The following LINGO2 variants were observed in gnomAD, a reference collection of about 807,000 sequenced individuals.
LINGO2 encodes leucine-rich repeat and immunoglobulin-like domain-containing nogo receptor-interacting protein 2.
In LINGO2, 14 loss-of-function variants were observed where a neutral mutation model predicts 30.6. That is an observed-to-expected ratio of 0.46 (90% CI 0.30 to 0.72). The LOEUF (loss-of-function observed/expected upper bound fraction) is 0.72, where lower values mean the gene tolerates loss of function less well. Ranked by LOEUF, LINGO2 falls within the 30% of genes least tolerant of loss-of-function variation. The pLI, the probability that LINGO2 is intolerant of heterozygous loss-of-function variation, is 0.07. For missense variants in LINGO2, 729 were observed against 751.7 expected, an observed-to-expected ratio of 0.97 and a Z score of 0.35; for synonymous variants, 317 against 288.5, an observed-to-expected ratio of 1.10 and a Z score of -1.00.
chr9:28,960,055 A>T, the LINGO2 span, among the ~76,000 whole-genome samples: 3 of 152,184 alleles, frequency 2.0e-5, no homozygotes, highest in Non-Finnish European at 4.4e-5. Context: ...CACACTATTC[A>T]GACTCAAAAG....
At chr9:28,369,206 T>G (rs2134557177) in intron 3 of LINGO2, among the ~76,000 whole-genome samples, 1 of 152,308 alleles carries the variant, frequency 6.6e-6, no homozygotes, top group South Asian at 2.1e-4. Context: ...TTGCTTCAGT[T>G]TCAACCTTCT....
intron 4 of LINGO2, among the ~76,000 whole-genome samples, chr9:28,106,009 C>G (rs954137111): frequency 2.0e-5 from 3 of 152,088 alleles, no homozygotes; most frequent in Non-Finnish European, 4.4e-5. Context: ...AGAGCTCTGC[C>G]TCCTGTCAGA....
At chr9:28,019,460 G>A (rs1823007451) in intron 4 of LINGO2, among the ~76,000 whole-genome samples, 1 of 151,726 alleles carries the variant, frequency 6.6e-6, no homozygotes, top group African/African-American at 2.4e-5. Context: ...GTGACTCTGG[G>A]GGAATACTAA....
intron 4 of LINGO2, among the ~76,000 whole-genome samples, chr9:28,122,405 C>T (rs1827122023): frequency 6.6e-6 from 1 of 152,088 alleles, no homozygotes; most frequent in South Asian, 2.1e-4. Context: ...CACTACATTC[C>T]AAATAAATGA....
chr9:28,514,503 G>C (rs1587788953), intron 1 of LINGO2, among the ~76,000 whole-genome samples: 1 of 152,150 alleles, frequency 6.6e-6, no homozygotes, highest in African/African-American at 2.4e-5. Flanking sequence ...TATAGAGAAA[G>C]TTTTAGTCAT....
intron 5 of LINGO2, among the ~76,000 whole-genome samples, chr9:27,981,831 A>G (rs1050257178): frequency 6.9e-4 from 104 of 151,766 alleles, no homozygotes; most frequent in Non-Finnish European, 1.2e-3. Flanking sequence ...AGTAGTTTGA[A>G]GTTTTCTACT....
intron 4 of LINGO2, among the ~76,000 whole-genome samples, chr9:28,123,011 T>A (rs1421904377): frequency 6.6e-6 from 1 of 152,240 alleles, no homozygotes; most frequent in Non-Finnish European, 1.5e-5. Context: ...TATTTGTTGG[T>A]TTTCTATCTT....
At chr9:28,340,641 T>G (rs1320030736) in intron 3 of LINGO2, among the ~76,000 whole-genome samples, 1 of 152,134 alleles carries the variant, frequency 6.6e-6, no homozygotes, top group Non-Finnish European at 1.5e-5. Context: ...GTTGGTTTAT[T>G]CAAAACTCAA....
the LINGO2 span, among the ~76,000 whole-genome samples, chr9:28,938,846 A>G: frequency 9.9e-5 from 15 of 152,170 alleles, no homozygotes; most frequent in African/African-American, 3.4e-4. Context: ...CAAATATTAT[A>G]CTATTTCTCA....
chr9:28,661,397 G>C (rs1828579147), intron 1 of LINGO2, among the ~76,000 whole-genome samples: 1 of 152,098 alleles, frequency 6.6e-6, no homozygotes, highest in Non-Finnish European at 1.5e-5. Context: ...AGTGAGCTCA[G>C]GTACAATACT....
chr9:28,390,892 T>A (rs1404848187), intron 2 of LINGO2, among the ~76,000 whole-genome samples: 1 of 152,174 alleles, frequency 6.6e-6, no homozygotes, highest in Non-Finnish European at 1.5e-5. Context: ...AGCGTCTATC[T>A]CTTTTATTCT....
At chr9:28,068,158 G>C (rs951586671) in intron 4 of LINGO2, among the ~76,000 whole-genome samples, 1 of 152,080 alleles carries the variant, frequency 6.6e-6, no homozygotes, top group African/African-American at 2.4e-5. Flanking sequence ...TGTAGTGTAT[G>C]CATATACACT....
At chr9:28,391,077 C>G (rs2134688313) in intron 2 of LINGO2, among the ~76,000 whole-genome samples, 1 of 152,162 alleles carries the variant, frequency 6.6e-6, no homozygotes, top group East Asian at 1.9e-4. Context: ...TTGAATTCAT[C>G]TTTAATTTGT....
the LINGO2 span, among the ~76,000 whole-genome samples, chr9:28,995,711 T>C: frequency 6.6e-6 from 1 of 152,128 alleles, no homozygotes; most frequent in Admixed American, 6.5e-5. Context: ...TGAGTTCATG[T>C]CCTTTGTAGG....
the LINGO2 span, among the ~76,000 whole-genome samples, chr9:28,883,108 G>A: frequency 4.3e-3 from 652 of 152,286 alleles, 3 homozygotes; most frequent in Non-Finnish European, 7.1e-3. Flanking sequence ...ATTTGGAGCT[G>A]TTATCTACCT....
chr9:28,624,739 T>C (rs1826581586), intron 1 of LINGO2, among the ~76,000 whole-genome samples: 1 of 151,702 alleles, frequency 6.6e-6, no homozygotes, highest in Non-Finnish European at 1.5e-5. Flanking sequence ...TGAAATAGTT[T>C]GAGTAGGATT....
At chr9:27,947,785 C>A (rs1230379385), downstream of LINGO2, among the ~76,000 whole-genome samples, 1 of 152,190 alleles carries the variant, frequency 6.6e-6, no homozygotes, top group Non-Finnish European at 1.5e-5. Context: ...GAGAAGAACT[C>A]TTTCTTATTC....
At chr9:28,152,317 C>CTG (rs34875651) in intron 4 of LINGO2, among the ~76,000 whole-genome samples, 2 of 152,070 alleles carry the variant, frequency 1.3e-5, no homozygotes, top group Non-Finnish European at 2.9e-5. Context: ...CTCTCTCTCT[C>CTG]TTGCTTTCTT....
At chr9:28,048,641 A>G (rs1182193363) in intron 4 of LINGO2, among the ~76,000 whole-genome samples, 8 of 150,894 alleles carry the variant, frequency 5.3e-5, no homozygotes, top group Non-Finnish European at 1.2e-4. Context: ...TAGAATTTCT[A>G]ATTATTCAAC....
Sources: gnomAD v4.1 joint callset for allele counts (sites outside exome capture counted in the v4.1 genomes callset) on GRCh38, gnomAD v4.1.1 for gene constraint, MANE v1.5 for transcripts, NCBI Gene and HGNC (gene_info 2026-07-23, HGNC 2026-07-21) for gene names.